NINJ2: variants seen among roughly 807,000 people sequenced by gnomAD.
NINJ2 encodes the protein ninjurin-2.
Under a neutral mutation model 11.7 loss-of-function variants are expected in NINJ2, and 12 were observed. The observed-to-expected ratio is 1.02, with a 90% CI of 0.66 to 1.66. The LOEUF is 1.66. Ranked by LOEUF, NINJ2 falls within the 40% of genes most tolerant of loss-of-function variation. The pLI is 0.00. For synonymous variants in NINJ2, 93 were observed against 76.8 expected, an observed-to-expected ratio of 1.21 and a Z score of -1.10; for missense variants, 187 against 181.8, an observed-to-expected ratio of 1.03 and a Z score of -0.16.
Position 579,711 on chromosome 12 carries a change from C to G in NINJ2, c.34-13533G>C, listed in dbSNP as rs935229888. Among the ~76,000 whole-genome samples, 8 of 152,294 alleles carry G rather than the reference C, an allele frequency of 5.3e-5. No individual in the cohort carries two copies. In the East Asian group the frequency reaches 1.2e-3, roughly 22 times the overall value. ...AGCCTCACAAGAATGTGCCCCGAGCCTCACTGCCTACCCAACCTCCTTTTA... is the reference window on the plus strand; with the variant it reads ...AGCCTCACAAGAATGTGCCCCGAGCGTCACTGCCTACCCAACCTCCTTTTA... On this transcript the variant is annotated intron_variant, in intron 1 of 3. Transcript: ENST00000305108.
At chr12:631,677 C>T (rs1948283997) in intron 1 of NINJ2, among the ~76,000 whole-genome samples, 1 of 152,128 alleles carries the variant, frequency 6.6e-6, no homozygotes, top group South Asian at 2.1e-4. Context: ...TACCTCTGAT[C>T]CCTGGGATCA....
intron 1 of NINJ2, among the ~76,000 whole-genome samples, chr12:577,737 G>A (rs571661203): frequency 1.1e-3 from 165 of 148,192 alleles, no homozygotes; most frequent in African/African-American, 1.4e-3. Context: ...TTAAATTTTT[G>A]TAGAGATGGG....
intron 1 of NINJ2, among the ~76,000 whole-genome samples, chr12:616,834 G>C (rs1213763649): frequency 6.6e-6 from 1 of 152,188 alleles, no homozygotes; most frequent in East Asian, 1.9e-4. Flanking sequence ...TTGAACCAAT[G>C]AAGGATCAAA....
intron 1 of NINJ2, among the ~76,000 whole-genome samples, chr12:634,801 A>T (rs559297093): frequency 6.6e-6 from 1 of 152,336 alleles, no homozygotes; most frequent in African/African-American, 2.4e-5. Flanking sequence ...GAGCATTCAG[A>T]CCCAGGGCAC....
chr12:652,011 G>A (rs934874839), intron 1 of NINJ2, among the ~76,000 whole-genome samples: 7 of 152,002 alleles, frequency 4.6e-5, no homozygotes, highest in African/African-American at 1.7e-4. Flanking sequence ...GAGGCAGAAA[G>A]GAACAGAAAA....
intron 1 of NINJ2, among the ~76,000 whole-genome samples, chr12:604,570 G>A (rs908085814): frequency 5.3e-5 from 8 of 152,148 alleles, no homozygotes; most frequent in African/African-American, 1.7e-4. Flanking sequence ...CCTGGGAGGC[G>A]GAGGCTGCAG....
At chr12:656,951 A>G (rs913864426) in intron 1 of NINJ2, among the ~76,000 whole-genome samples, 11 of 152,196 alleles carry the variant, frequency 7.2e-5, no homozygotes, top group African/African-American at 2.2e-4. Flanking sequence ...ATCCACGTGT[A>G]AAAATATGAA....
At chr12:647,184 C>T (rs1055693774) in intron 1 of NINJ2, among the ~76,000 whole-genome samples, 3 of 152,294 alleles carry the variant, frequency 2.0e-5, no homozygotes, top group African/African-American at 2.4e-5. Flanking sequence ...CCAGGTGCCC[C>T]GTGGGAAAGC....
At chr12:654,785 G>A (rs915633719) in intron 1 of NINJ2, among the ~76,000 whole-genome samples, 4 of 151,546 alleles carry the variant, frequency 2.6e-5, no homozygotes, top group East Asian at 3.9e-4. Context: ...TCAGCTGCTC[G>A]GGAGGCTGAG....
chr12:636,237 G>C (rs972774259), intron 1 of NINJ2, among the ~76,000 whole-genome samples: 1 of 151,162 alleles, frequency 6.6e-6, no homozygotes, highest in Non-Finnish European at 1.5e-5. Flanking sequence ...TTAGCCAGGC[G>C]TGGTGGCACG....
At chr12:602,608 A>G (rs2120912631) in intron 1 of NINJ2, among the ~76,000 whole-genome samples, 1 of 152,308 alleles carries the variant, frequency 6.6e-6, no homozygotes, top group Non-Finnish European at 1.5e-5. Context: ...GTGTGAATGT[A>G]TATACCTAGG....
intron 1 of NINJ2, among the ~76,000 whole-genome samples, chr12:612,607 T>TGGTAGGGCTCGAGGTTCTGGCCC (rs1459132676): frequency 2.0e-5 from 3 of 152,150 alleles, no homozygotes; most frequent in African/African-American, 7.2e-5. Flanking sequence ...CTGTCTGGGT[T>TGGTAGGGCTCGAGGTTCTGGCCC]GGTAGGGCTC....
chr12:646,482 T>G (rs1207631258), intron 1 of NINJ2, among the ~76,000 whole-genome samples: 1 of 152,070 alleles, frequency 6.6e-6, no homozygotes, highest in Non-Finnish European at 1.5e-5. Context: ...CCAACCCTAG[T>G]GAAGGCAGTT....
chr12:604,544 A>T (rs917197349), intron 1 of NINJ2, among the ~76,000 whole-genome samples: 3 of 152,186 alleles, frequency 2.0e-5, no homozygotes, highest in Non-Finnish European at 2.9e-5. Context: ...AGGCTGAGGC[A>T]CGAGAATCGC....
intron 1 of NINJ2, among the ~76,000 whole-genome samples, chr12:617,999 T>C (rs1948112456): frequency 6.6e-6 from 1 of 151,948 alleles, no homozygotes; most frequent in Non-Finnish European, 1.5e-5. Flanking sequence ...ACTCTGGTGG[T>C]CTGAAAGGGA....
At chr12:611,147 C>G (rs1287858972) in intron 1 of NINJ2, among the ~76,000 whole-genome samples, 9 of 152,112 alleles carry the variant, frequency 5.9e-5, no homozygotes. Flanking sequence ...CACATCAACC[C>G]CAGGCCTGCC....
intron 1 of NINJ2, chr12:610,305 T>C: frequency 2.7e-6 from 4 of 1,507,500 alleles, no homozygotes; most frequent in Non-Finnish European, 3.6e-6. Context: ...CAGCACCCAG[T>C]GCTGAGCTGG....
chr12:588,658 A>G (rs1362212849), intron 1 of NINJ2, among the ~76,000 whole-genome samples: 1 of 152,170 alleles, frequency 6.6e-6, no homozygotes, highest in Non-Finnish European at 1.5e-5. Flanking sequence ...ACCACACACC[A>G]CACAAAATCA....
At chr12:643,717 G>A (rs1937630394) in intron 1 of NINJ2, 9 of 983,080 alleles carry the variant, frequency 9.2e-6, no homozygotes, top group Admixed American at 6.1e-5. Context: ...TCAGCCAAGA[G>A]GTCACATCTT....
Sources: gnomAD v4.1 joint callset for allele counts (sites outside exome capture counted in the v4.1 genomes callset) on GRCh38, gnomAD v4.1.1 for gene constraint, MANE v1.5 for transcripts, NCBI Gene and HGNC (gene_info 2026-07-23, HGNC 2026-07-21) for gene names.